GALNT17: variants seen among roughly 807,000 people sequenced by gnomAD.
GALNT17 encodes the protein UDP-GalNAc:polypeptide N-acetylgalactosaminyltransferase-like 3.
Under a neutral mutation model 63.7 loss-of-function variants are expected in GALNT17, and 29 were observed. That is an observed-to-expected ratio of 0.46 (90% CI 0.34 to 0.62). GALNT17 has a LOEUF of 0.62. Ranked by LOEUF, GALNT17 falls within the 20% of genes least tolerant of loss-of-function variation. GALNT17 has a pLI of 0.01. For missense variants in GALNT17, 603 were observed against 799.6 expected (o/e 0.75, Z 2.97); for synonymous variants, 305 against 318.3 (o/e 0.96, Z 0.45).
At chr7:71,657,750 G>A (rs974497371) in intron 6 of GALNT17, among the ~76,000 whole-genome samples, 1 of 152,162 alleles carries the variant, frequency 6.6e-6, no homozygotes, top group African/African-American at 2.4e-5. Context: ...TCCCATGGGG[G>A]GCCTTTTTAC....
chr7:71,485,746 ACCT>A (rs1265800716), intron 5 of GALNT17, among the ~76,000 whole-genome samples: 2 of 152,022 alleles, frequency 1.3e-5, no homozygotes, highest in Non-Finnish European at 2.9e-5. Flanking sequence ...GCGCCCTCAG[ACCT>A]CCTGTGGGTT....
At chr7:71,466,786 G>A (rs893462294) in intron 5 of GALNT17, among the ~76,000 whole-genome samples, 3 of 152,104 alleles carry the variant, frequency 2.0e-5, no homozygotes, top group African/African-American at 7.2e-5. Flanking sequence ...AGAAATCTAC[G>A]AATCCATCTA....
chr7:71,576,595 G>C (rs1789542321), intron 6 of GALNT17, among the ~76,000 whole-genome samples: 1 of 151,114 alleles, frequency 6.6e-6, no homozygotes, highest in African/African-American at 2.4e-5. Flanking sequence ...TTTTGAGACA[G>C]AGTCTTGCTC....
intron 2 of GALNT17, among the ~76,000 whole-genome samples, chr7:71,376,606 A>G (rs1792733779): frequency 6.6e-6 from 1 of 151,118 alleles, no homozygotes. Context: ...CTTCCCTTTT[A>G]GAGAAAGCAG....
intron 1 of GALNT17, among the ~76,000 whole-genome samples, chr7:71,191,208 G>A (rs957353844): frequency 6.6e-6 from 1 of 152,068 alleles, no homozygotes; most frequent in African/African-American, 2.4e-5. Context: ...TCGCTTCCTA[G>A]TCAGTCTTCC....
chr7:71,572,660 G>A (rs10229265), intron 6 of GALNT17, among the ~76,000 whole-genome samples: 1 of 152,004 alleles, frequency 6.6e-6, no homozygotes, highest in Non-Finnish European at 1.5e-5. Flanking sequence ...CTGGTGAGAA[G>A]ATTTAATTTA....
intron 1 of GALNT17, among the ~76,000 whole-genome samples, chr7:71,135,350 A>G (rs1787764629): frequency 1.3e-5 from 2 of 152,202 alleles, no homozygotes; most frequent in Non-Finnish European, 2.9e-5. Flanking sequence ...CAGTTGAGAA[A>G]TGAGAAAACT....
At chr7:71,682,499 C>T (rs1791282751) in intron 9 of GALNT17, among the ~76,000 whole-genome samples, 1 of 152,170 alleles carries the variant, frequency 6.6e-6, no homozygotes, top group Non-Finnish European at 1.5e-5. Flanking sequence ...AGCAGGAATG[C>T]CTGGATGGCA....
intron 5 of GALNT17, among the ~76,000 whole-genome samples, chr7:71,495,779 C>T (rs1172465784): frequency 1.9e-4 from 29 of 152,190 alleles, no homozygotes; most frequent in Non-Finnish European, 5.9e-5. Flanking sequence ...ATCATGGCCA[C>T]TTTCCCTTCC....
At chr7:71,268,887 G>A (rs933059855) in intron 1 of GALNT17, among the ~76,000 whole-genome samples, 1 of 152,106 alleles carries the variant, frequency 6.6e-6, no homozygotes, top group Non-Finnish European at 1.5e-5. Context: ...GGCCTACATG[G>A]CTTCTTCTAG....
intron 5 of GALNT17, among the ~76,000 whole-genome samples, chr7:71,503,331 C>G (rs1388281243): frequency 1.3e-5 from 2 of 152,180 alleles, no homozygotes. Flanking sequence ...ACCTCTGCCT[C>G]CCAGGTTCAA....
Position 71,711,030 on chromosome 7 carries a change from C to A in GALNT17, c.1668+102C>A, listed in dbSNP as rs969688163. ...CCCAGGGGTCCCCAGCAAAGAGCGA[C>A]CCCGAACCCAGGTCTCCCTGCCCCG... On this transcript the variant is annotated intron_variant, in intron 10 of 10. Transcript: ENST00000333538. 37 of 1,449,288 alleles carry A rather than the reference C, an allele frequency of 2.6e-5. No homozygotes were observed. In the African/African-American group the frequency reaches 4.9e-4, roughly 19 times the overall value. The allele number at this position is 1,449,288 out of a possible 1,614,324, so 89.8% of individuals were successfully genotyped here. A position where few individuals can be genotyped will look rare whatever the true frequency, so the allele number is the denominator to read the frequency against.
chr7:71,299,586 A>C (rs2115870023), intron 1 of GALNT17, among the ~76,000 whole-genome samples: 1 of 152,174 alleles, frequency 6.6e-6, no homozygotes, highest in East Asian at 1.9e-4. Flanking sequence ...GCACGTCCTG[A>C]GAACACAGTC....
chr7:71,624,810 G>A (rs12536749), intron 6 of GALNT17, among the ~76,000 whole-genome samples: 65,968 of 152,024 alleles, frequency 0.43, 16,543 homozygotes, highest in East Asian at 0.76. Context: ...AAACATATTA[G>A]AAGGAGGACG....
At chr7:71,192,766 A>G (rs1050161641) in intron 1 of GALNT17, among the ~76,000 whole-genome samples, 10 of 152,156 alleles carry the variant, frequency 6.6e-5, no homozygotes, top group Non-Finnish European at 1.5e-5. Flanking sequence ...TGCCTGCAAC[A>G]TATGAGAGTT....
chr7:71,709,983 C>T lies in GALNT17; in HGVS notation c.1501-778C>T, dbSNP rs1224766383. 2.0e-5 allele frequency among the ~76,000 whole-genome samples: 3 copies of T among 152,070 alleles called. No individual in the cohort carries two copies. The East Asian group carries it at 5.8e-4, about 29-fold the overall frequency. Reference sequence around the variant, plus strand: ...TATGAGGTTGAGTACTGTTTAATGTCTGTTTCTTCAGTGAATGGCTTCTTT... The same window carrying T: ...TATGAGGTTGAGTACTGTTTAATGTTTGTTTCTTCAGTGAATGGCTTCTTT... On this transcript the variant is annotated intron_variant, in intron 9 of 10. Coordinates refer to ENST00000333538, the MANE Select transcript of GALNT17 (RefSeq NM_022479.3).
At chr7:71,652,351 A>G (rs1790766140) in intron 6 of GALNT17, among the ~76,000 whole-genome samples, 1 of 152,140 alleles carries the variant, frequency 6.6e-6, no homozygotes, top group Non-Finnish European at 1.5e-5. Context: ...TTGAAATTGA[A>G]TTTTTTAAAA....
intron 1 of GALNT17, among the ~76,000 whole-genome samples, chr7:71,331,038 C>T (rs2116063136): frequency 6.6e-6 from 1 of 152,270 alleles, no homozygotes; most frequent in Non-Finnish European, 1.5e-5. Flanking sequence ...TTCAATTTTC[C>T]ACTGGACTCT....
chr7:71,524,647 TGTTA>T (rs1788594804), intron 5 of GALNT17, among the ~76,000 whole-genome samples: 1 of 152,188 alleles, frequency 6.6e-6, no homozygotes, highest in Non-Finnish European at 1.5e-5. Flanking sequence ...AACTTTTCTG[TGTTA>T]GTTTTATAAA....
Sources: gnomAD v4.1 joint callset for allele counts (sites outside exome capture counted in the v4.1 genomes callset) on GRCh38, gnomAD v4.1.1 for gene constraint, MANE v1.5 for transcripts, NCBI Gene and HGNC (gene_info 2026-07-23, HGNC 2026-07-21) for gene names.